AGAP1: variants seen among roughly 807,000 people sequenced by gnomAD.
AGAP1 encodes ArfGAP with GTPase domain, ankyrin repeat and PH domain 1.
A neutral mutation model predicts 105.3 loss-of-function variants in AGAP1; 29 were observed. The observed-to-expected ratio is 0.28, with a 90% CI of 0.21 to 0.38. The LOEUF (loss-of-function observed/expected upper bound fraction) is 0.38. Ranked by LOEUF, AGAP1 falls within the 10% of genes least tolerant of loss-of-function variation. AGAP1 has a pLI of 1.00. For missense variants in AGAP1, 998 were observed against 1,165.1 expected, an observed-to-expected ratio of 0.86 and a Z score of 2.09; for synonymous variants, 509 against 485.9, an observed-to-expected ratio of 1.05 and a Z score of -0.63.
At chr2:235,892,018 C>G (rs1056739270) in intron 10 of AGAP1, among the ~76,000 whole-genome samples, 10 of 152,018 alleles carry the variant, frequency 6.6e-5, no homozygotes, top group African/African-American at 2.4e-4. Context: ...ACCAGGTGTG[C>G]TGGTGGGTGC....
chr2:235,946,322 G>A (rs1473921611), intron 12 of AGAP1, among the ~76,000 whole-genome samples: 1 of 112,116 alleles, frequency 8.9e-6, no homozygotes, highest in Non-Finnish European at 1.7e-5. Flanking sequence ...GTCTTGTTCT[G>A]TCAGCCACGC....
intron 1 of AGAP1, among the ~76,000 whole-genome samples, chr2:235,605,856 A>G (rs1273063372): frequency 1.3e-5 from 2 of 152,216 alleles, no homozygotes. Context: ...TGCCATGGCA[A>G]CGCAGGCATG....
At chr2:235,956,350 A>G (rs957995590) in intron 12 of AGAP1, among the ~76,000 whole-genome samples, 1 of 152,172 alleles carries the variant, frequency 6.6e-6, no homozygotes, top group African/African-American at 2.4e-5. Context: ...TTTGAGCCTT[A>G]ACTATAAATT....
intron 11 of AGAP1, among the ~76,000 whole-genome samples, chr2:235,923,451 C>A (rs546050631): frequency 6.6e-6 from 1 of 152,128 alleles, no homozygotes; most frequent in Non-Finnish European, 1.5e-5. Flanking sequence ...CAGGGGCCGC[C>A]ACTCACATCC....
intron 10 of AGAP1, among the ~76,000 whole-genome samples, chr2:235,899,690 T>C (rs1041315890): frequency 7.2e-5 from 11 of 152,172 alleles, no homozygotes; most frequent in Admixed American, 5.9e-4. Context: ...TATTCAAATA[T>C]TAAAATACTA....
intron 9 of AGAP1, among the ~76,000 whole-genome samples, chr2:235,818,981 G>A (rs1162123851): frequency 6.6e-6 from 1 of 152,246 alleles, no homozygotes; most frequent in African/African-American, 2.4e-5. Context: ...TGGAAAGTCT[G>A]TGCTGTCTGG....
In AGAP1 at chr2:235,965,635, C is replaced by G. The variant is rs913787658; in HGVS notation, c.1484-2827C>G. Among the ~76,000 whole-genome samples, 6 of 152,118 alleles carry G rather than the reference C, an allele frequency of 3.9e-5. No homozygotes were observed. The highest frequency in any genetic ancestry group is 1.4e-4 in the African/African-American group (6 of 41,412). Reference sequence around the variant, plus strand: ...TAAAGTGGAGGTGGTAGGGATACCACGTGCCTCAGCGGATTGCTTAAGAGT... The same window carrying G: ...TAAAGTGGAGGTGGTAGGGATACCAGGTGCCTCAGCGGATTGCTTAAGAGT... On this transcript the variant is annotated intron_variant, in intron 12 of 17. Transcript: ENST00000304032. The surrounding 1 kb of genome is among the most constrained non-coding windows in gnomAD (Gnocchi z 5.8).
chr2:235,648,688 A>G (rs1363988850), intron 1 of AGAP1, among the ~76,000 whole-genome samples: 3 of 145,682 alleles, frequency 2.1e-5, no homozygotes, highest in African/African-American at 5.1e-5. Flanking sequence ...CCTGGCTAAC[A>G]TGGTGAAACC....
chr2:236,112,706 T>G (rs1201612609), intron 16 of AGAP1, among the ~76,000 whole-genome samples: 1 of 152,192 alleles, frequency 6.6e-6, no homozygotes, highest in East Asian at 1.9e-4. Flanking sequence ...GCACTCGCAT[T>G]CACACGCACA....
chr2:235,848,954 C>T (rs892146180), intron 9 of AGAP1, among the ~76,000 whole-genome samples: 2 of 152,300 alleles, frequency 1.3e-5, no homozygotes, highest in African/African-American at 2.4e-5. Context: ...CCTGTCCGTC[C>T]GTGTGCTTTG....
At chr2:235,756,826 C>A (rs1461067765) in intron 6 of AGAP1, among the ~76,000 whole-genome samples, 3 of 152,164 alleles carry the variant, frequency 2.0e-5, no homozygotes, top group Non-Finnish European at 4.4e-5. Flanking sequence ...GCCTGACGAG[C>A]TGAGGTGGAA....
rs1280243241 is a variant in AGAP1, at chr2:236,092,183, A to T, written c.2115-28009A>T. Among the ~76,000 whole-genome samples, 1 of 152,188 alleles carries T rather than the reference A, an allele frequency of 6.6e-6. No homozygotes were observed. The highest frequency in any genetic ancestry group is 1.5e-5 in the Non-Finnish European group (1 of 68,032). On this transcript the variant is annotated intron_variant, in intron 16 of 17. Transcript: ENST00000304032. The surrounding 1 kb of genome is among the most constrained non-coding windows in gnomAD (Gnocchi z 4.7). ...ACCCTTGACTGGTGCTAGATACAGGAACGTACATGTGACCAAATTGCATTG... is the reference window on the plus strand; with the variant it reads ...ACCCTTGACTGGTGCTAGATACAGGTACGTACATGTGACCAAATTGCATTG...
Position 236,080,503 on chromosome 2 carries a change from A to G in AGAP1, c.2114+31222A>G, listed in dbSNP as rs1008981069. ...CCAAGAGGGACAGATCACACTAGAC[A>G]TCAAGCTCAATGGATGCCACCAAGG... On this transcript the variant is annotated intron_variant, in intron 16 of 17. Transcript: ENST00000304032. The surrounding 1 kb of genome is among the most constrained non-coding windows in gnomAD (Gnocchi z 4.2). Among the ~76,000 whole-genome samples the G allele has an allele frequency of 7.9e-5, 12 of 152,212 alleles. No individual in the cohort carries two copies. The highest frequency in any genetic ancestry group is 2.7e-4 in the African/African-American group (11 of 41,460).
intron 1 of AGAP1, among the ~76,000 whole-genome samples, chr2:235,652,181 C>G (rs1389512771): frequency 1.3e-5 from 2 of 152,176 alleles, no homozygotes; most frequent in Non-Finnish European, 2.9e-5. Flanking sequence ...ACTTCCCTGA[C>G]TGGTCAACTG....
chr2:235,552,149 T>C lies in AGAP1; in HGVS notation c.163+57300T>C, dbSNP rs777750678. On this transcript the variant is annotated intron_variant, in intron 1 of 17. Transcript: ENST00000304032. This position sits in a 1 kb window ranked among gnomAD's most constrained non-coding sequence, Gnocchi z 5.9. Reference sequence around the variant, plus strand: ...TGGAAGGGGCCTGCAGGGAAGTGTTTGTTGTGTGCTTGGTGTTCATTGCCC... The same window carrying C: ...TGGAAGGGGCCTGCAGGGAAGTGTTCGTTGTGTGCTTGGTGTTCATTGCCC... Among the ~76,000 whole-genome samples the C allele has an allele frequency of 1.5e-4, 23 of 152,110 alleles. No homozygotes were observed. The highest frequency in any genetic ancestry group is 3.1e-4 in the Non-Finnish European group (21 of 68,014).
intron 10 of AGAP1, among the ~76,000 whole-genome samples, chr2:235,903,442 T>A (rs958832674): frequency 1.3e-5 from 2 of 152,222 alleles, no homozygotes; most frequent in Non-Finnish European, 2.9e-5. Context: ...AGCTTTAAGA[T>A]CTTGTTAACT....
In AGAP1 at chr2:235,551,228, G is replaced by A. The variant is rs1034704693; in HGVS notation, c.163+56379G>A. Among the ~76,000 whole-genome samples the A allele has an allele frequency of 5.9e-5, 9 of 152,158 alleles. No homozygotes were observed. The highest frequency in any genetic ancestry group is 6.5e-5 in the Admixed American group (1 of 15,282). On this transcript the variant is annotated intron_variant, in intron 1 of 17. Transcript: ENST00000304032. This position sits in a 1 kb window ranked among gnomAD's most constrained non-coding sequence, Gnocchi z 4.8. Reference sequence around the variant, plus strand: ...CGGGAAAGGTCTTCATGTCTCACTTGTATGCCTTCTTGGATCAGGATTTCC... The same window carrying A: ...CGGGAAAGGTCTTCATGTCTCACTTATATGCCTTCTTGGATCAGGATTTCC...
chr2:235,750,278 C>T lies in AGAP1; in HGVS notation c.539-76C>T, dbSNP rs918807737. On this transcript the variant is annotated intron_variant, in intron 5 of 17. Coordinates refer to ENST00000304032, the MANE Select transcript of AGAP1 (RefSeq NM_001037131.3). The surrounding 1 kb of genome is among the most constrained non-coding windows in gnomAD (Gnocchi z 5.3). Reference sequence around the variant, plus strand: ...TCTGCTGAGTAAGGTACTGGTTTTCCGTGTTGTGGGGAGTGTAGGAAGTAT... The same window carrying T: ...TCTGCTGAGTAAGGTACTGGTTTTCTGTGTTGTGGGGAGTGTAGGAAGTAT... 28 of 1,583,666 alleles carry T rather than the reference C, an allele frequency of 1.8e-5. No individual in the cohort carries two copies. In the African/African-American group the frequency reaches 3.0e-4, roughly 17 times the overall value.
rs559400469 is a variant in AGAP1 at position 235,768,489 on chromosome 2, G to C, written c.673+18001G>C. On this transcript the variant is annotated intron_variant, in intron 6 of 17. Transcript: ENST00000304032. ...GAGAAAAGAAGTTAAGTAAAAGTGG[G>C]TATTTCATCAGAGCGGAGAGCCACA... Among the ~76,000 whole-genome samples, 171 of 152,360 alleles carry C rather than the reference G, an allele frequency of 1.1e-3. 1 individual carries two copies. The highest frequency in any genetic ancestry group is 3.8e-3 in the African/African-American group (160 of 41,588).
Sources: allele counts gnomAD v4.1 joint callset (sites outside exome capture counted in the v4.1 genomes callset), GRCh38; gene constraint gnomAD v4.1.1; non-coding constraint Gnocchi (gnomAD v3.1); transcripts MANE v1.5; gene names NCBI Gene and HGNC (gene_info 2026-07-23, HGNC 2026-07-21).